The following ACYP2 variants were observed in gnomAD, a reference collection of about 807,000 sequenced individuals.
ACYP2 encodes the protein acylphosphatase 2.
In ACYP2, 12 loss-of-function variants were observed where a neutral mutation model predicts 11.2. The ratio of observed to expected loss-of-function variants is 1.08; its 90% CI spans 0.69 to 1.74. ACYP2 has a LOEUF of 1.74. Ranked by LOEUF, ACYP2 falls within the 40% of genes most tolerant of loss-of-function variation. The pLI is 0.00. For missense variants in ACYP2, 134 were observed against 101.9 expected (o/e 1.31, Z -1.35); for synonymous variants, 43 against 32.2 (o/e 1.33, Z -1.13).
At chr2:53,992,796 A>T (rs1233732592) in intron 2 of ACYP2, among the ~76,000 whole-genome samples, 1 of 148,138 alleles carries the variant, frequency 6.8e-6, no homozygotes, top group Non-Finnish European at 1.5e-5. Flanking sequence ...ACACCACTGT[A>T]CTCCAGCCTA....
chr2:54,203,777 A>G (rs1213942876), intron 6 of ACYP2, among the ~76,000 whole-genome samples: 1 of 151,302 alleles, frequency 6.6e-6, no homozygotes, highest in African/African-American at 2.4e-5. Context: ...TCATATGTCA[A>G]AACTGGAATA....
chr2:54,028,976 A>T (rs940961161), intron 2 of ACYP2, among the ~76,000 whole-genome samples: 41 of 152,156 alleles, frequency 2.7e-4, no homozygotes, highest in African/African-American at 9.4e-4. Context: ...TGGGTAAGAT[A>T]GTGAGACCTC....
At chr2:53,992,394 C>G (rs751499701) in intron 2 of ACYP2, among the ~76,000 whole-genome samples, 5 of 152,156 alleles carry the variant, frequency 3.3e-5, no homozygotes, top group Non-Finnish European at 7.3e-5. Flanking sequence ...TCTCCTGACT[C>G]TGAATGGACT....
At chr2:54,201,662 C>CTT (rs1276575637) in intron 6 of ACYP2, among the ~76,000 whole-genome samples, 2 of 80,318 alleles carry the variant, frequency 2.5e-5, no homozygotes, top group African/African-American at 4.1e-5. Context: ...TTCTTTCTTT[C>CTT]TTTCTTTCTT....
intron 4 of ACYP2, among the ~76,000 whole-genome samples, chr2:54,124,892 C>T (rs1680390431): frequency 6.6e-6 from 1 of 151,986 alleles, no homozygotes; most frequent in South Asian, 2.1e-4. Flanking sequence ...TAACTAGAGG[C>T]ATGTACTGTC....
At chr2:54,053,739 C>T (rs753903400) in intron 3 of ACYP2, among the ~76,000 whole-genome samples, 2 of 152,174 alleles carry the variant, frequency 1.3e-5, no homozygotes, top group East Asian at 1.9e-4. Flanking sequence ...TGGAACTTTC[C>T]CTCAGTCCTA....
chr2:54,100,199 G>T (rs1247752165), intron 4 of ACYP2, among the ~76,000 whole-genome samples: 2 of 149,878 alleles, frequency 1.3e-5, no homozygotes, highest in Non-Finnish European at 2.9e-5. Context: ...TTAGTTCACT[G>T]TATAGCCAAA....
At chr2:54,258,399 C>G (rs1179821712) in intron 6 of ACYP2, among the ~76,000 whole-genome samples, 2 of 152,122 alleles carry the variant, frequency 1.3e-5, no homozygotes. Context: ...AGGAGCATGT[C>G]TGGAATGTTC....
chr2:54,077,377 A>G (rs1368246491), intron 4 of ACYP2, among the ~76,000 whole-genome samples: 1 of 152,216 alleles, frequency 6.6e-6, no homozygotes, highest in Non-Finnish European at 1.5e-5. Context: ...GTTGTTTAAC[A>G]TTTTATTTTT....
At chr2:54,256,189 G>A in intron 6 of ACYP2, 2 of 1,568,112 alleles carry the variant, frequency 1.3e-6, no homozygotes, top group Non-Finnish European at 1.7e-6. Context: ...TAGAGGCCAG[G>A]CCAGAGGTAG....
chr2:54,022,428 C>G (rs911058786), intron 2 of ACYP2, among the ~76,000 whole-genome samples: 2 of 152,104 alleles, frequency 1.3e-5, no homozygotes, highest in South Asian at 2.1e-4. Flanking sequence ...GTCACCCATG[C>G]TAGAGTACAG....
chr2:54,195,020 C>G (rs1684401323), intron 6 of ACYP2, among the ~76,000 whole-genome samples: 1 of 152,214 alleles, frequency 6.6e-6, no homozygotes, highest in South Asian at 2.1e-4. Context: ...CCTCCCCAAA[C>G]TAGGTCAGAA....
chr2:54,072,653 C>G (rs1383846859), intron 4 of ACYP2, among the ~76,000 whole-genome samples: 2 of 151,734 alleles, frequency 1.3e-5, no homozygotes, highest in African/African-American at 4.8e-5. Context: ...ACCTCTGCCC[C>G]CTGGGCTTAA....
At chr2:54,302,337 C>T (rs1689758623) in intron 6 of ACYP2, among the ~76,000 whole-genome samples, 1 of 152,186 alleles carries the variant, frequency 6.6e-6, no homozygotes, top group South Asian at 2.1e-4. Context: ...CTCACTGGCC[C>T]TGCCAGCAGC....
chr2:54,151,719 C>T (rs980778083), intron 6 of ACYP2, among the ~76,000 whole-genome samples: 6 of 152,072 alleles, frequency 3.9e-5, no homozygotes, highest in African/African-American at 1.4e-4. Flanking sequence ...TAGAACATAA[C>T]CGATCTATAT....
At chr2:54,014,010 T>C (rs1439136848) in intron 2 of ACYP2, among the ~76,000 whole-genome samples, 1 of 151,892 alleles carries the variant, frequency 6.6e-6, no homozygotes, top group African/African-American at 2.4e-5. Context: ...ATACAAACAT[T>C]AGCCGGGAGT....
rs759770768 is a variant in ACYP2, at chr2:54,138,705, G to A, written c.361G>A (p.Val121Met). The change falls in exon 6 of 7, where the codon GTG becomes ATG. Residue 121 changes from valine (V) to methionine (M), a missense_variant. By Grantham distance (21) the Val-to-Met change is conservative. Coordinates refer to ENST00000607452, the MANE Select transcript of ACYP2 (RefSeq NM_001320586.2). ...GGTGAAGAATACCAGCAAAGGCACC[G>A]TGACAGGCCAAGTGCAGGGGCCAGA... 43 of 1,613,986 alleles carry A rather than the reference G, an allele frequency of 2.7e-5. No individual in the cohort carries two copies. The highest frequency in any genetic ancestry group is 1.6e-4 in the Middle Eastern group (1 of 6,084).
chr2:54,289,824 A>T (rs1689224924), intron 6 of ACYP2, among the ~76,000 whole-genome samples: 1 of 151,982 alleles, frequency 6.6e-6, no homozygotes, highest in Admixed American at 6.5e-5. Context: ...ATGTCCATAA[A>T]GAAGGGCTTC....
chr2:53,990,601 A>G (rs1237803273), intron 2 of ACYP2, among the ~76,000 whole-genome samples: 1 of 147,294 alleles, frequency 6.8e-6, no homozygotes, highest in African/African-American at 2.5e-5. Context: ...GCGAGCCGAG[A>G]TGGCACCATT....
Sources: gnomAD v4.1 joint callset for allele counts (sites outside exome capture counted in the v4.1 genomes callset) on GRCh38, gnomAD v4.1.1 for gene constraint, MANE v1.5 for transcripts, NCBI Gene and HGNC (gene_info 2026-07-23, HGNC 2026-07-21) for gene names.